Variants in MBD5 observed in about 807,000 individuals in gnomAD.
The protein encoded by MBD5 is methyl-CpG-binding domain protein 5.
MBD5 carries 13 observed loss-of-function variants against 117.3 expected under a neutral mutation model. The observed-to-expected ratio is 0.11, with a 90% CI of 0.07 to 0.18. The LOEUF (loss-of-function observed/expected upper bound fraction) is 0.18. Among genes scored for constraint, MBD5 ranks in the 10% least tolerant of loss-of-function variants. MBD5 has a pLI of 1.00. For synonymous variants in MBD5, 727 were observed against 766.4 expected, an observed-to-expected ratio of 0.95 and a Z score of 0.85; for missense variants, 1,879 against 2,093.8, an observed-to-expected ratio of 0.90 and a Z score of 2.00.
At chr2:148,249,995 A>G (rs987716417) in intron 3 of MBD5, among the ~76,000 whole-genome samples, 2 of 152,114 alleles carry the variant, frequency 1.3e-5, no homozygotes, top group African/African-American at 4.8e-5. Flanking sequence ...TTTTTCCGCT[A>G]CTTTCTTATT....
At chr2:148,356,945 C>T (rs927840451) in intron 4 of MBD5, among the ~76,000 whole-genome samples, 4 of 151,870 alleles carry the variant, frequency 2.6e-5, no homozygotes, top group African/African-American at 9.7e-5. Context: ...TTAGCAACTC[C>T]TAAGAACAAG....
At chr2:148,328,704 A>G (rs7423391) in intron 3 of MBD5, among the ~76,000 whole-genome samples, 41,265 of 151,192 alleles carry the variant, frequency 0.27, 5,707 homozygotes, top group African/African-American at 0.31. Context: ...TTTGGCTCGC[A>G]CATGGTGCGT....
intron 3 of MBD5, among the ~76,000 whole-genome samples, chr2:148,314,869 T>A (rs12478460): frequency 0.027 from 4,117 of 152,250 alleles, 92 homozygotes; most frequent in African/African-American, 0.056. Context: ...TATATGGTTA[T>A]TTTAGGGATG....
chr2:148,199,716 C>T (rs990340719), intron 2 of MBD5, among the ~76,000 whole-genome samples: 3 of 151,660 alleles, frequency 2.0e-5, no homozygotes, highest in Non-Finnish European at 4.4e-5. Flanking sequence ...GCCAAGATTG[C>T]GCCACTGTAC....
At chr2:148,441,610 G>C (rs1395277166) in intron 4 of MBD5, among the ~76,000 whole-genome samples, 1 of 152,066 alleles carries the variant, frequency 6.6e-6, no homozygotes, top group Admixed American at 6.6e-5. Context: ...TAATCCTTTG[G>C]GTATATACCC....
intron 1 of MBD5, among the ~76,000 whole-genome samples, chr2:148,123,012 G>A (rs763427210): frequency 4.6e-5 from 7 of 152,174 alleles, no homozygotes; most frequent in Non-Finnish European, 1.0e-4. Context: ...GCAATGAAGA[G>A]GTGGGTGGAT....
Position 148,448,306 on chromosome 2 carries a change from G to A in MBD5, c.-556-9897G>A, listed in dbSNP as rs558279452. On this transcript the variant is annotated intron_variant, in intron 4 of 13. Transcript: ENST00000642680. Reference sequence around the variant, plus strand: ...TCTTGTTTCTTGAAAGACCTTACCCGATACTTTATTAGACTGTAGTTATCT... The same window carrying A: ...TCTTGTTTCTTGAAAGACCTTACCCAATACTTTATTAGACTGTAGTTATCT... Among the ~76,000 whole-genome samples, 33 of 152,026 alleles carry A rather than the reference G, an allele frequency of 2.2e-4. No homozygotes were observed. In the South Asian group the frequency reaches 2.7e-3, roughly 12 times the overall value.
chr2:148,368,411 A>C (rs1241381866), intron 4 of MBD5, among the ~76,000 whole-genome samples: 1 of 152,188 alleles, frequency 6.6e-6, no homozygotes, highest in Non-Finnish European at 1.5e-5. Flanking sequence ...CCACCATGGC[A>C]TGTGTATACC....
rs1259416237 is a variant in MBD5 at position 148,470,195 on chromosome 2, A to G, written c.2252A>G (p.Asn751Ser). The change falls in exon 8 of 14, where the codon AAC (asparagine) becomes AGC (serine). Residue 751 changes from asparagine to serine, a missense_variant. Asn to Ser is a conservative substitution (Grantham distance 46). Transcript: ENST00000642680. ...DPSMNSSVLQ[N>S]IPLRGEAVHC... Reference sequence around the variant, plus strand: ...AGTATGAACTCTAGTGTTCTTCAGAACATACCTTTAAGAGGGGAAGCCGTG... The same window carrying G: ...AGTATGAACTCTAGTGTTCTTCAGAGCATACCTTTAAGAGGGGAAGCCGTG... 1.1e-5 allele frequency: 17 copies of G among 1,613,988 alleles called. No individual in the cohort carries two copies. Among genetic ancestry groups the G allele is most frequent in the Non-Finnish European group, 1.4e-5 (17 of 1,179,902 alleles).
At chr2:148,028,449 T>C (rs965406413) in intron 1 of MBD5, 2 of 152,096 alleles carry the variant, frequency 1.3e-5, no homozygotes, top group Non-Finnish European at 2.9e-5. Flanking sequence ...AAAGTGTTTT[T>C]TAAGATTGAC....
intron 1 of MBD5, among the ~76,000 whole-genome samples, chr2:148,161,967 A>C (rs765111823): frequency 1.3e-5 from 2 of 152,176 alleles, no homozygotes; most frequent in Non-Finnish European, 2.9e-5. Flanking sequence ...GGTTTTGCTA[A>C]TGTAATAAGT....
chr2:148,441,440 A>C (rs1281759800), intron 4 of MBD5, among the ~76,000 whole-genome samples: 3 of 151,844 alleles, frequency 2.0e-5, no homozygotes, highest in Non-Finnish European at 2.9e-5. Context: ...TGAACTCATC[A>C]TTTTTTATGG....
chr2:148,256,593 C>T (rs906874705), intron 3 of MBD5, among the ~76,000 whole-genome samples: 2 of 152,244 alleles, frequency 1.3e-5, no homozygotes, highest in Non-Finnish European at 2.9e-5. Flanking sequence ...GATCACCATC[C>T]ACACTGCTCT....
intron 1 of MBD5, among the ~76,000 whole-genome samples, chr2:148,174,152 C>G (rs545774101): frequency 5.9e-5 from 9 of 152,220 alleles, no homozygotes; most frequent in African/African-American, 2.2e-4. Context: ...TGAGCCCATG[C>G]ATGTATGGTC....
intron 10 of MBD5, among the ~76,000 whole-genome samples, chr2:148,487,394 A>G (rs1681371953): frequency 6.6e-6 from 1 of 152,208 alleles, no homozygotes; most frequent in Non-Finnish European, 1.5e-5. Flanking sequence ...AGTGCTGGTT[A>G]GTTCTAAGAA....
At chr2:148,363,037 A>G (rs1248553425) in intron 4 of MBD5, among the ~76,000 whole-genome samples, 3 of 152,238 alleles carry the variant, frequency 2.0e-5, no homozygotes, top group African/African-American at 7.2e-5. Context: ...AGGAAAAAAC[A>G]GTGCAAAACG....
At chr2:148,475,236 A>G (rs1680919807) in intron 8 of MBD5, among the ~76,000 whole-genome samples, 1 of 152,162 alleles carries the variant, frequency 6.6e-6, no homozygotes, top group Non-Finnish European at 1.5e-5. Flanking sequence ...TGTCCTCTGC[A>G]CTTGTTTTTT....
rs1217597780 is a variant in MBD5, at chr2:148,150,382, C to A, written c.-924-28318C>A. ...TTTGAAGTCAGGTAGTGTGATGCCT[C>A]CAGCTTTGTTCTTTTGGCTTAGGAT... On this transcript the variant is annotated intron_variant, in intron 1 of 13. Transcript: ENST00000642680. Among the ~76,000 whole-genome samples the A allele has an allele frequency of 1.3e-4, 19 of 151,672 alleles. No individual in the cohort carries two copies. The East Asian group carries it at 3.5e-3, about 28-fold the overall frequency.
chr2:148,168,484 A>G (rs1201240491), intron 1 of MBD5, among the ~76,000 whole-genome samples: 1 of 152,230 alleles, frequency 6.6e-6, no homozygotes, highest in Non-Finnish European at 1.5e-5. Context: ...TGTCAGTGGT[A>G]GTGATTTTTT....
Sources: gnomAD v4.1 joint callset for allele counts (sites outside exome capture counted in the v4.1 genomes callset) on GRCh38, gnomAD v4.1.1 for gene constraint, MANE v1.5 for transcripts, NCBI Gene and HGNC (gene_info 2026-07-23, HGNC 2026-07-21) for gene names.